The following TRAK1 variants were observed in gnomAD, a reference collection of about 807,000 sequenced individuals.
TRAK1 encodes the protein trafficking kinesin protein 1.
Under a neutral mutation model 92.1 loss-of-function variants are expected in TRAK1, and 33 were observed. That is an observed-to-expected ratio of 0.36 (90% CI 0.27 to 0.48). The LOEUF (loss-of-function observed/expected upper bound fraction) is 0.48, where lower values mean the gene tolerates loss of function less well. Ranked by LOEUF, TRAK1 falls within the 20% of genes least tolerant of loss-of-function variation. The probability of loss-of-function intolerance (pLI) is 0.99; values close to 1 mark genes in which losing one functional copy is unlikely to be tolerated. For missense variants in TRAK1, 1,123 were observed against 1,257.9 expected (o/e 0.89, Z 1.62); for synonymous variants, 521 against 517.3 (o/e 1.01, Z -0.10).
At chr3:42,212,340 T>C (rs1039792491) in intron 14 of TRAK1, 1 of 985,388 alleles carries the variant, frequency 1.0e-6, no homozygotes, top group Non-Finnish European at 1.2e-6. Flanking sequence ...GAACACTCAG[T>C]AGGGAGACAC....
At chr3:42,091,656 C>T (rs373616303) in intron 1 of TRAK1, 96 bp downstream of exon 1, 259 of 1,269,330 alleles carry the variant, frequency 2.0e-4, no homozygotes, top group East Asian at 7.9e-4. Context: ...CTCTCTTGCT[C>T]CGTGCTGCTT....
intron 14 of TRAK1, among the ~76,000 whole-genome samples, chr3:42,213,692 G>A (rs1456481493): frequency 6.6e-6 from 1 of 152,298 alleles, no homozygotes; most frequent in Admixed American, 6.5e-5. Context: ...CAGAACTGGG[G>A]TTCAGACAGG....
chr3:42,092,681 T>TTGTTGTGTTGTGTTGTGTTG (rs1553712895), intron 1 of TRAK1, among the ~76,000 whole-genome samples: 4 of 131,324 alleles, frequency 3.0e-5, no homozygotes, highest in African/African-American at 6.4e-5. Flanking sequence ...TCCTTTTATT[T>TTGTTGTGTTGTGTTGTGTTG]TGTTGTGTTG....
intron 2 of TRAK1, among the ~76,000 whole-genome samples, chr3:42,126,979 T>A (rs537608666): frequency 9.2e-5 from 14 of 152,322 alleles, no homozygotes; most frequent in African/African-American, 3.4e-4. Flanking sequence ...AGGGTAGATA[T>A]GAAGCATGTT....
chr3:42,175,119 G>A (rs1395325195), intron 2 of TRAK1, among the ~76,000 whole-genome samples: 5 of 152,012 alleles, frequency 3.3e-5, no homozygotes, highest in East Asian at 1.9e-4. Context: ...AGTGGGCGCC[G>A]GTGAGTGGGG....
At chr3:42,110,429 A>T (rs555556993) in intron 1 of TRAK1, among the ~76,000 whole-genome samples, 7 of 151,952 alleles carry the variant, frequency 4.6e-5, no homozygotes, top group Admixed American at 1.3e-4. Context: ...CTCTCTGGGG[A>T]TGGAGTCCTA....
chr3:42,042,440 C>T (rs898445057), intron 1 of TRAK1, among the ~76,000 whole-genome samples: 2 of 152,036 alleles, frequency 1.3e-5, no homozygotes, highest in African/African-American at 2.4e-5. Flanking sequence ...GGTGCAGTCT[C>T]AGTTCACTGT....
At chr3:42,050,621 G>A (rs752487997) in intron 1 of TRAK1, among the ~76,000 whole-genome samples, 33 of 151,864 alleles carry the variant, frequency 2.2e-4, no homozygotes, top group African/African-American at 2.7e-4. Flanking sequence ...CCTTTTTTCC[G>A]TTTTCTTTGT....
At chr3:42,121,804 G>A (rs896139677) in intron 1 of TRAK1, among the ~76,000 whole-genome samples, 6 of 151,972 alleles carry the variant, frequency 3.9e-5, no homozygotes, top group African/African-American at 7.3e-5. Flanking sequence ...TCATGTCACA[G>A]AAAAATCAAA....
intron 10 of TRAK1, among the ~76,000 whole-genome samples, chr3:42,198,004 G>C (rs551235345): frequency 6.6e-6 from 1 of 152,218 alleles, no homozygotes; most frequent in African/African-American, 2.4e-5. Context: ...CCTGGCTGGT[G>C]GTTTCCACAT....
At chr3:42,033,510 C>T (rs1439056983) in intron 1 of TRAK1, among the ~76,000 whole-genome samples, 1 of 152,054 alleles carries the variant, frequency 6.6e-6, no homozygotes, top group Non-Finnish European at 1.5e-5. Context: ...ATCACTTGAC[C>T]CCAGGAATTT....
intron 2 of TRAK1, among the ~76,000 whole-genome samples, chr3:42,142,964 G>A (rs556208855): frequency 6.6e-6 from 1 of 152,152 alleles, no homozygotes; most frequent in African/African-American, 2.4e-5. Flanking sequence ...TTGCTTTCTT[G>A]AAACCTGGTG....
intron 1 of TRAK1, among the ~76,000 whole-genome samples, chr3:42,051,957 C>G (rs2148914632): frequency 6.6e-6 from 1 of 152,288 alleles, no homozygotes; most frequent in South Asian, 2.1e-4. Context: ...CTCTACTACC[C>G]AGTGACGTGA....
chr3:42,045,338 C>T (rs1006048728), intron 1 of TRAK1, among the ~76,000 whole-genome samples: 3 of 152,092 alleles, frequency 2.0e-5, no homozygotes, highest in Non-Finnish European at 2.9e-5. Flanking sequence ...AGTTTGAGAC[C>T]AGCCTGGCCA....
chr3:42,141,669 G>A (rs754352559), intron 2 of TRAK1, among the ~76,000 whole-genome samples: 2 of 152,118 alleles, frequency 1.3e-5, no homozygotes, highest in Admixed American at 6.6e-5. Context: ...GGTGGCTGCC[G>A]GCCATCCTCG....
intron 3 of TRAK1, among the ~76,000 whole-genome samples, chr3:42,184,240 T>C (rs1045943586): frequency 6.6e-6 from 1 of 152,244 alleles, no homozygotes; most frequent in Non-Finnish European, 1.5e-5. Context: ...CTTGGCTTCA[T>C]TGTCAGAGCA....
intron 1 of TRAK1, among the ~76,000 whole-genome samples, chr3:42,095,989 G>A (rs771034507): frequency 3.9e-5 from 6 of 152,182 alleles, no homozygotes; most frequent in Non-Finnish European, 8.8e-5. Context: ...CAGGAACCAA[G>A]CCCTTACCAG....
chr3:42,157,486 A>AAAAAAAAC, intron 2 of TRAK1, among the ~76,000 whole-genome samples: 1 of 148,898 alleles, frequency 6.7e-6, no homozygotes, highest in Non-Finnish European at 1.5e-5. Flanking sequence ...AAAAAAAAAA[A>AAAAAAAAC]AAAGGTTAAC....
At position 42,198,620 on chromosome 3, in the gene TRAK1, C is replaced by G. The variant is rs183368382; in HGVS notation, c.1114-557C>G. Among the ~76,000 whole-genome samples the G allele has an allele frequency of 5.9e-5, 9 of 152,188 alleles. No homozygotes were observed. In the East Asian group the frequency reaches 1.4e-3, roughly 23 times the overall value. On this transcript the variant is annotated intron_variant, in intron 10 of 15. Coordinates refer to ENST00000327628, the MANE Select transcript of TRAK1 (RefSeq NM_001042646.3). ...CTCTCACTAGCACAGAACCAGAGTG[C>G]CCTTTGGAGGTGGGAAAGGCTTCCC...
Sources: allele counts gnomAD v4.1 joint callset (sites outside exome capture counted in the v4.1 genomes callset), GRCh38; gene constraint gnomAD v4.1.1; transcripts MANE v1.5; gene names NCBI Gene and HGNC (gene_info 2026-07-23, HGNC 2026-07-21).